Variants in LRP6 observed in about 807,000 individuals in gnomAD.
LRP6 encodes low-density lipoprotein receptor-related protein 6.
Under a neutral mutation model 184.1 loss-of-function variants are expected in LRP6, and 43 were observed. The ratio of observed to expected loss-of-function variants is 0.23; its 90% confidence interval spans 0.18 to 0.30. The LOEUF is 0.30. Among genes scored for constraint, LRP6 ranks in the 10% least tolerant of loss-of-function variants. The probability of loss-of-function intolerance (pLI) is 1.00; values close to 1 mark genes in which losing one functional copy is unlikely to be tolerated. For missense variants in LRP6, 1,571 were observed against 2,005.3 expected (o/e 0.78, Z 4.14); for synonymous variants, 719 against 684.9 (o/e 1.05, Z -0.78).
chr12:12,127,257 T>A (rs369426361), intron 19 of LRP6, among the ~76,000 whole-genome samples: 4 of 152,114 alleles, frequency 2.6e-5, no homozygotes, highest in African/African-American at 9.7e-5. Flanking sequence ...ACAGATAAAA[T>A]CCATTCTACT....
chr12:12,208,453 G>A (rs1177961303), intron 2 of LRP6, among the ~76,000 whole-genome samples: 4 of 152,176 alleles, frequency 2.6e-5, no homozygotes, highest in Non-Finnish European at 5.9e-5. Context: ...ATTTCAAGAA[G>A]TTAATTCAAA....
chr12:12,236,267 G>A (rs1394647912), intron 2 of LRP6, among the ~76,000 whole-genome samples: 1 of 151,942 alleles, frequency 6.6e-6, no homozygotes, highest in African/African-American at 2.4e-5. Context: ...AACAATGAGG[G>A]CATGTACAAA....
intron 7 of LRP6, among the ~76,000 whole-genome samples, chr12:12,169,234 GATAATAATA>G (rs544964479): frequency 2.0e-5 from 3 of 148,706 alleles, no homozygotes; most frequent in African/African-American, 4.9e-5. Flanking sequence ...GCCTCAAAAT[GATAATAATA>G]ATAATAATAA....
chr12:12,168,831 CTTT>C (rs563221936), intron 7 of LRP6, among the ~76,000 whole-genome samples: 2 of 151,796 alleles, frequency 1.3e-5, no homozygotes, highest in African/African-American at 4.8e-5. Flanking sequence ...CTGTTTTTGT[CTTT>C]TTGTTTTTTT....
rs533447681 is a variant in LRP6, at chr12:12,155,288, A to G, written c.2791+3541T>C. 140 of 751,856 alleles carry G rather than the reference A, an allele frequency of 1.9e-4. No homozygotes were observed. In the African/African-American group the frequency reaches 2.2e-3, roughly 12 times the overall value. The allele number at this position is 751,856 out of a possible 1,614,324, so 46.6% of individuals were successfully genotyped here. On this transcript the variant is annotated intron_variant, in intron 12 of 22. Coordinates refer to ENST00000261349, the MANE Select transcript of LRP6 (RefSeq NM_002336.3). ...TGATGAACACAAAGGGAAAGAGGAG[A>G]GGCACCCGATACGTGTTCTCTAGGC... is the stretch of plus-strand genomic sequence containing the variant.
chr12:12,261,079 C>A (rs985341558), intron 1 of LRP6, among the ~76,000 whole-genome samples: 1 of 152,272 alleles, frequency 6.6e-6, no homozygotes, highest in East Asian at 1.9e-4. Flanking sequence ...TAGTTCAGTA[C>A]AGCAAATGGA....
At chr12:12,155,449 G>T (rs959091614) in intron 12 of LRP6, 1 of 959,942 alleles carries the variant, frequency 1.0e-6, no homozygotes, top group Non-Finnish European at 1.7e-6. Flanking sequence ...AAACTGGAAG[G>T]GTCTACAATG....
At chr12:12,260,327 G>A (rs1241112962) in intron 1 of LRP6, among the ~76,000 whole-genome samples, 2 of 150,538 alleles carry the variant, frequency 1.3e-5, no homozygotes, top group African/African-American at 4.9e-5. Flanking sequence ...GCAGTGAGCC[G>A]AGATTACGCC....
intron 22 of LRP6, among the ~76,000 whole-genome samples, chr12:12,121,843 C>T (rs962095503): frequency 6.6e-6 from 1 of 152,134 alleles, no homozygotes; most frequent in Admixed American, 6.6e-5. Flanking sequence ...CCAAAATTAA[C>T]CTGATGAATA....
At chr12:12,126,950 T>C in intron 19 of LRP6, 29 bp from the exon 20 acceptor site, 1 of 1,565,168 alleles carries the variant, frequency 6.4e-7, no homozygotes, top group Non-Finnish European at 8.8e-7. Context: ...TATGGTTATT[T>C]AATAGAAAAA....
chr12:12,164,691 A>G (rs1420169437), intron 8 of LRP6, 129 bp from the exon 9 acceptor site: 1 of 823,952 alleles, frequency 1.2e-6, no homozygotes. Flanking sequence ...CCCAATCTCA[A>G]GTTTCAATTC....
At chr12:12,200,057 GATGTGGTGCTCCATAAAC>G (rs1407938013) in intron 3 of LRP6, among the ~76,000 whole-genome samples, 2 of 147,844 alleles carry the variant, frequency 1.4e-5, no homozygotes, top group East Asian at 4.0e-4. Flanking sequence ...TACATCAGTA[GATGTGGTGCTCCATAAAC>G]CTTGGACATG....
chr12:12,195,472 T>G (rs930609788), intron 3 of LRP6, among the ~76,000 whole-genome samples: 2 of 152,162 alleles, frequency 1.3e-5, no homozygotes, highest in African/African-American at 4.8e-5. Context: ...TTTTTTCATA[T>G]GTTTGTGGCC....
At chr12:12,157,159 G>C (rs985998787) in intron 12 of LRP6, among the ~76,000 whole-genome samples, 1 of 152,116 alleles carries the variant, frequency 6.6e-6, no homozygotes, top group Non-Finnish European at 1.5e-5. Context: ...CCCAAAATTT[G>C]TATCTTCAAC....
chr12:12,194,527 T>A (rs541771387), intron 3 of LRP6, among the ~76,000 whole-genome samples: 1 of 152,126 alleles, frequency 6.6e-6, no homozygotes, highest in African/African-American at 2.4e-5. Flanking sequence ...TAAGTGTGCA[T>A]CCACAGAAAA....
intron 2 of LRP6, among the ~76,000 whole-genome samples, chr12:12,219,957 G>C (rs1211341688): frequency 6.6e-6 from 1 of 152,096 alleles, no homozygotes; most frequent in Non-Finnish European, 1.5e-5. Flanking sequence ...GAGGTTGAAG[G>C]CAACAGCAAC....
In LRP6 at chr12:12,118,109, A is replaced by C. The variant is rs1401354430; in HGVS notation, c.*3017T>G. On this transcript the variant is annotated 3_prime_UTR_variant, in exon 23 of 23. Transcript: ENST00000261349. Reference sequence around the variant, plus strand: ...GTAACTACATAATCTTCTGCTAAACAGATATCTTGTGATATGCTGTAAGAG... The same window carrying C: ...GTAACTACATAATCTTCTGCTAAACCGATATCTTGTGATATGCTGTAAGAG... 6.6e-6 allele frequency: 1 copy of C among 152,252 alleles called. No individual in the cohort carries two copies. Among genetic ancestry groups the C allele is most frequent in the African/African-American group, 2.4e-5 (1 of 41,462 alleles). The allele number at this position is 152,252 out of a possible 1,614,324, so 9.4% of individuals were successfully genotyped here. A position where few individuals can be genotyped will look rare whatever the true frequency, so the allele number is the denominator to read the frequency against.
intron 1 of LRP6, among the ~76,000 whole-genome samples, chr12:12,263,943 G>A (rs1372959582): frequency 6.6e-6 from 1 of 152,030 alleles, no homozygotes; most frequent in African/African-American, 2.4e-5. Context: ...TTGGAGACCA[G>A]CCTGGGCAAC....
chr12:12,131,004 T>C (rs1266096204), intron 18 of LRP6, 111 bp from the exon 19 acceptor site: 3 of 700,774 alleles, frequency 4.3e-6, no homozygotes, highest in Non-Finnish European at 7.8e-6. Context: ...ATTAGACTTT[T>C]AGCTATAACT....
Sources: gnomAD v4.1 joint callset for allele counts (sites outside exome capture counted in the v4.1 genomes callset) on GRCh38, gnomAD v4.1.1 for gene constraint, MANE v1.5 for transcripts, NCBI Gene and HGNC (gene_info 2026-07-23, HGNC 2026-07-21) for gene names.